SH3GL1: variants seen among roughly 807,000 people sequenced by gnomAD.
The protein encoded by SH3GL1 is SH3 domain containing GRB2 like 1, endophilin A2.
In SH3GL1, 21 loss-of-function variants were observed where a neutral mutation model predicts 48.8. That is an observed-to-expected ratio of 0.43 (90% CI 0.30 to 0.62). The LOEUF (loss-of-function observed/expected upper bound fraction) is 0.62. Among genes scored for constraint, SH3GL1 ranks in the 20% least tolerant of loss-of-function variants. The pLI is 0.11. For synonymous variants in SH3GL1, 282 were observed against 217.5 expected (o/e 1.30, Z -2.61); for missense variants, 454 against 503.0 (o/e 0.90, Z 0.93).
intron 1 of SH3GL1, chr19:4,390,582 G>C (rs554298160): frequency 1.3e-5 from 2 of 152,510 alleles, no homozygotes; most frequent in Non-Finnish European, 2.9e-5. Context: ...TGCAGCCCTG[G>C]CCACCACATT....
At position 4,362,334 on chromosome 19, in the gene SH3GL1, C is replaced by A. The variant is rs1298448974; in HGVS notation, c.905G>T (p.Ser302Ile). 1 of 1,611,774 alleles carries A rather than the reference C, an allele frequency of 6.2e-7. No homozygotes were observed. The highest frequency in any genetic ancestry group is 1.3e-5 in the African/African-American group (1 of 75,038). Residue 302 changes from serine (S) to isoleucine (I), a missense_variant, in exon 9 of 10, where the codon AGC (serine) becomes ATC (isoleucine). By Grantham distance (142) the Ser-to-Ile change is moderately radical (BLOSUM62 -2). This residue lies in a region of SH3GL1 where 278 missense variants were observed against 246.8 expected (regional missense o/e 1.13). Coordinates refer to ENST00000269886, the MANE Select transcript of SH3GL1 (RefSeq NM_003025.4). The stretch of plus-strand genomic sequence containing the variant: ...GCGGGCCTGGGAACACTCACGCATG[C>A]TCCGGCTAGGGGTCCGGATGGGCTT... ...SDKPIRTPSR[S>I]MPPLDQPSCK...
chr19:4,398,840 A>G (rs1973468903), intron 1 of SH3GL1, among the ~76,000 whole-genome samples: 1 of 152,218 alleles, frequency 6.6e-6, no homozygotes, highest in Admixed American at 6.5e-5. Context: ...GCTGGGATGC[A>G]GCATTCTACT....
Position 4,398,441 on chromosome 19 carries a change from G to A in SH3GL1, c.45+1883C>T, listed in dbSNP as rs1335298112. Among the ~76,000 whole-genome samples the A allele has an allele frequency of 2.0e-5, 3 of 151,552 alleles. No homozygotes were observed. In the East Asian group the frequency reaches 5.8e-4, roughly 29 times the overall value. ...TCTGTCACCCAGGCTGGAGTGCAGT[G>A]GTGCAATCTCGGCTCACTGCAACCT... On this transcript the variant is annotated intron_variant, in intron 1 of 9. Transcript: ENST00000269886.
Position 4,376,333 on chromosome 19 carries a change from C to A in SH3GL1, c.46-9339G>T, listed in dbSNP as rs1461426201. On this transcript the variant is annotated intron_variant, in intron 1 of 9. Coordinates refer to ENST00000269886, the MANE Select transcript of SH3GL1 (RefSeq NM_003025.4). This position sits in a 1 kb window ranked among gnomAD's most constrained non-coding sequence, Gnocchi z 4.3. ...TGGGCAGAGGAGACAGGTGAAGGCA[C>A]ATTCCTCAGCGCCCGCTCACAGCTC... is the stretch of plus-strand genomic sequence containing the variant. Among the ~76,000 whole-genome samples the A allele has an allele frequency of 6.6e-6, 1 of 152,206 alleles. No homozygotes were observed. The highest frequency in any genetic ancestry group is 6.5e-5 in the Admixed American group (1 of 15,288).
In SH3GL1 at chr19:4,361,171, C is replaced by G. The variant is rs766215012; in HGVS notation, c.*429G>C. On this transcript the variant is annotated 3_prime_UTR_variant, in exon 10 of 10. Coordinates refer to ENST00000269886, the MANE Select transcript of SH3GL1 (RefSeq NM_003025.4). ...CTCTGAGCCACCCCATGGGGACCCT[C>G]GATCCCATCCTGTTAAGGCTGCGGG... is the stretch of plus-strand genomic sequence containing the variant. 4 of 274,484 alleles carry G rather than the reference C, an allele frequency of 1.5e-5. No individual in the cohort carries two copies. Among genetic ancestry groups the G allele is most frequent in the Non-Finnish European group, 2.8e-5 (4 of 144,274 alleles). The allele number at this position is 274,484 out of a possible 1,614,324, so 17.0% of individuals were successfully genotyped here. A position where few individuals can be genotyped will look rare whatever the true frequency, so the allele number is the denominator to read the frequency against.
At chr19:4,368,928 C>T (rs371145360) in intron 1 of SH3GL1, among the ~76,000 whole-genome samples, 16 of 152,202 alleles carry the variant, frequency 1.1e-4, no homozygotes, top group South Asian at 8.3e-4. Context: ...AAAAATTAGC[C>T]GGGCCTGATG....
chr19:4,373,550 T>C (rs1972944552), intron 1 of SH3GL1, among the ~76,000 whole-genome samples: 2 of 152,188 alleles, frequency 1.3e-5, no homozygotes, highest in South Asian at 2.1e-4. Context: ...CATGGCCAGA[T>C]TGGGCACCCG....
Position 4,369,312 on chromosome 19 carries a change from G to C in SH3GL1, c.46-2318C>G, listed in dbSNP as rs142335996. ...ATTGTGGCGAGAGAGGGCGTGCTCA[G>C]AGCCAGCGGCTGCCGGAGAGGGAAA... is the stretch of plus-strand genomic sequence containing the variant. On this transcript the variant is annotated intron_variant, in intron 1 of 9. Coordinates refer to ENST00000269886, the MANE Select transcript of SH3GL1 (RefSeq NM_003025.4). Among the ~76,000 whole-genome samples the C allele has an allele frequency of 2.0e-4, 30 of 152,362 alleles. No homozygotes were observed. In the East Asian group the frequency reaches 3.5e-3, roughly 18 times the overall value.
chr19:4,365,564 G>A lies in SH3GL1; in HGVS notation c.249C>T (p.Asn83=), dbSNP rs1257740894. 3.7e-6 allele frequency: 6 copies of A among 1,614,116 alleles called. No homozygotes were observed. Among genetic ancestry groups the A allele is most frequent in the Admixed American group, 1.7e-5 (1 of 60,030 alleles). ...TVSKIRGQVK[N]PGYPQSEGLL... ...GCCCCTCCGACTGCGGGTAGCCGGG[G>A]TTCTTCACCTGGCCCCGGATCTTGG... Residue 83 remains asparagine, a synonymous_variant, in exon 4 of 10, where the codon AAC becomes AAT. Transcript: ENST00000269886.
chr19:4,378,636 A>G (rs762424548), intron 1 of SH3GL1, among the ~76,000 whole-genome samples: 3 of 151,934 alleles, frequency 2.0e-5, no homozygotes, highest in Non-Finnish European at 4.4e-5. Context: ...AATCGCTTGA[A>G]CCCGGGAGGC....
At chr19:4,371,647 G>A (rs1027968395) in intron 1 of SH3GL1, among the ~76,000 whole-genome samples, 7 of 152,196 alleles carry the variant, frequency 4.6e-5, no homozygotes, top group African/African-American at 1.4e-4. Flanking sequence ...ACATTTGCCC[G>A]CAGAGGGGTC....
At position 4,366,551 on chromosome 19, in the gene SH3GL1, G is replaced by A. The variant is rs754044096; in HGVS notation, c.137C>T (p.Ala46Val). 60 of 1,611,850 alleles carry A rather than the reference G, an allele frequency of 3.7e-5. No individual in the cohort carries two copies. Among genetic ancestry groups the A allele is most frequent in the Admixed American group, 3.5e-4 (21 of 59,808 alleles). The change falls in exon 3 of 10, where the codon GCG (alanine) becomes GTG (valine). Residue 46 changes from alanine (A) to valine (V), a missense_variant. Ala to Val is a moderately conservative substitution (Grantham distance 64). Coordinates refer to ENST00000269886, the MANE Select transcript of SH3GL1 (RefSeq NM_003025.4). ...GGTCCTGGCCAGCACTTCTGTCACCGCCTTGCTGGTGACATCCACCTTCTG... is the reference window on the plus strand; with the variant it reads ...GGTCCTGGCCAGCACTTCTGTCACCACCTTGCTGGTGACATCCACCTTCTG... ...MEKKVDVTSKAVTEVLARTIE... is the reference protein window; with the variant it reads ...MEKKVDVTSKVVTEVLARTIE...
intron 1 of SH3GL1, among the ~76,000 whole-genome samples, chr19:4,375,945 C>T (rs1479344447): frequency 6.6e-6 from 1 of 152,206 alleles, no homozygotes; most frequent in African/African-American, 2.4e-5. Context: ...TGCACAGGAA[C>T]GATAAGGCTT....
rs1378462260 is a variant in SH3GL1, at chr19:4,376,632, C to T, written c.46-9638G>A. On this transcript the variant is annotated intron_variant, in intron 1 of 9. Transcript: ENST00000269886. This position sits in a 1 kb window ranked among gnomAD's most constrained non-coding sequence, Gnocchi z 4.3. ...CATCTTACACCCCCATCTGCCTGGG[C>T]GGCCCCCCCATCTCCCCTCAGAGCT... is the stretch of plus-strand genomic sequence containing the variant. Among the ~76,000 whole-genome samples the T allele has an allele frequency of 3.3e-5, 5 of 151,960 alleles. No individual in the cohort carries two copies. The highest frequency in any genetic ancestry group is 7.3e-5 in the African/African-American group (3 of 41,362).
rs1406554124 is a variant in SH3GL1, at chr19:4,367,992, C to A, written c.46-998G>T. ...AATGGAGGCTCCCAGAGGGAGGCCG[C>A]CTGAGGTCACAAGCTTGGCCCTGCC... On this transcript the variant is annotated intron_variant, in intron 1 of 9. Coordinates refer to ENST00000269886, the MANE Select transcript of SH3GL1 (RefSeq NM_003025.4). The surrounding 1 kb of genome is among the most constrained non-coding windows in gnomAD (Gnocchi z 4.2). 6.6e-6 allele frequency among the ~76,000 whole-genome samples: 1 copy of A among 152,232 alleles called. No homozygotes were observed. Among genetic ancestry groups the A allele is most frequent in the African/African-American group, 2.4e-5 (1 of 41,470 alleles).
At position 4,361,321 on chromosome 19, in the gene SH3GL1, A is replaced by C; in HGVS notation, c.*279T>G. The C allele has an allele frequency of 2.0e-6, 1 of 499,922 alleles. No homozygotes were observed. 31.0% of individuals were successfully genotyped at this position (499,922 alleles called of 1,614,324 possible). ...CCCCGCCTCGGCCAGCTGGGCGAGA[A>C]GTTGGGGAGCGGGGGAGGAGGCTGG... On this transcript the variant is annotated 3_prime_UTR_variant, in exon 10 of 10. Transcript: ENST00000269886.
At position 4,378,976 on chromosome 19, in the gene SH3GL1, G is replaced by A. The variant is rs137904245; in HGVS notation, c.46-11982C>T. ...CCTGGTGAGGCACTCACAGGACCACGCACACCAGGAAAAACTGGCTACAGC... is the reference window on the plus strand; with the variant it reads ...CCTGGTGAGGCACTCACAGGACCACACACACCAGGAAAAACTGGCTACAGC... On this transcript the variant is annotated intron_variant, in intron 1 of 9. Coordinates refer to ENST00000269886, the MANE Select transcript of SH3GL1 (RefSeq NM_003025.4). Among the ~76,000 whole-genome samples, 774 of 152,288 alleles carry A rather than the reference G, an allele frequency of 5.1e-3. 11 individuals are homozygous for A. The highest frequency in any genetic ancestry group is 0.018 in the African/African-American group (731 of 41,552).
rs1255840761 is a variant in SH3GL1 at position 4,361,077 on chromosome 19, T to G, written c.*523A>C. 1 of 236,360 alleles carries G rather than the reference T, an allele frequency of 4.2e-6. No individual in the cohort carries two copies. The highest frequency in any genetic ancestry group is 8.3e-6 in the Non-Finnish European group (1 of 120,404). 14.6% of individuals were successfully genotyped at this position (236,360 alleles called of 1,614,324 possible). A position where few individuals can be genotyped will look rare whatever the true frequency, so the allele number is the denominator to read the frequency against. ...GTGCGTGTGTGAGGCGGGGGTGCAT[T>G]GGCCCTGGAGTAGGGCCAGGGCCCA... On this transcript the variant is annotated 3_prime_UTR_variant, in exon 10 of 10. Transcript: ENST00000269886.
intron 1 of SH3GL1, among the ~76,000 whole-genome samples, chr19:4,380,865 T>G (rs754960764): frequency 2.6e-5 from 4 of 152,078 alleles, no homozygotes; most frequent in Non-Finnish European, 4.4e-5. Flanking sequence ...TCTGCGAAGT[T>G]GAAGATTAGT....
Sources: gnomAD v4.1 joint callset for allele counts (sites outside exome capture counted in the v4.1 genomes callset) on GRCh38, gnomAD v4.1.1 for gene constraint, gnomAD v4.1.1 regional missense constraint, Gnocchi (gnomAD v3.1) non-coding constraint, MANE v1.5 for transcripts, NCBI Gene and HGNC (gene_info 2026-07-23, HGNC 2026-07-21) for gene names.